The following PTPN14 variants were observed in gnomAD, a reference collection of about 807,000 sequenced individuals.
PTPN14 encodes the protein tyrosine-protein phosphatase non-receptor type 14.
A neutral mutation model predicts 126.8 loss-of-function variants in PTPN14; 53 were observed. That is an observed-to-expected ratio of 0.42 (90% CI 0.34 to 0.53). The LOEUF is 0.53. Ranked by LOEUF, PTPN14 falls within the 20% of genes least tolerant of loss-of-function variation. The pLI is 0.08. For synonymous variants in PTPN14, 630 were observed against 599.3 expected, an observed-to-expected ratio of 1.05 and a Z score of -0.75; for missense variants, 1,257 against 1,552.9, an observed-to-expected ratio of 0.81 and a Z score of 3.20.
intron 6 of PTPN14, among the ~76,000 whole-genome samples, 198 bp downstream of exon 6, chr1:214,402,685 G>GGAA (rs1659058852): frequency 6.8e-6 from 1 of 147,158 alleles, no homozygotes. Flanking sequence ...AAGGGAGGGA[G>GGAA]GGAAGGAAGG....
chr1:214,522,561 T>C (rs185350638), intron 1 of PTPN14, among the ~76,000 whole-genome samples: 1 of 152,232 alleles, frequency 6.6e-6, no homozygotes, highest in African/African-American at 2.4e-5. Context: ...CATCAGGTTC[T>C]GAAACAAATT....
chr1:214,391,182 G>T, intron 10 of PTPN14, 137 bp from the exon 11 acceptor site: 1 of 476,580 alleles, frequency 2.1e-6, no homozygotes, highest in South Asian at 8.1e-5. Context: ...TTATTTCTGG[G>T]TGGTAACACT....
At chr1:214,490,036 A>G (rs1453716801) in intron 1 of PTPN14, among the ~76,000 whole-genome samples, 1 of 152,224 alleles carries the variant, frequency 6.6e-6, no homozygotes, top group Non-Finnish European at 1.5e-5. Context: ...TATAGGCCAA[A>G]GCCAATCCTC....
chr1:214,533,394 C>A, intron 1 of PTPN14: 1 of 434,844 alleles, frequency 2.3e-6, no homozygotes, highest in Non-Finnish European at 4.3e-6. Flanking sequence ...GCAAACCATT[C>A]AAAAGACCAC....
intron 1 of PTPN14, among the ~76,000 whole-genome samples, chr1:214,469,517 T>G (rs2102658975): frequency 6.6e-6 from 1 of 152,334 alleles, no homozygotes; most frequent in Admixed American, 6.5e-5. Flanking sequence ...TCATATTCAT[T>G]TTATCACACA....
intron 3 of PTPN14, among the ~76,000 whole-genome samples, chr1:214,429,470 C>T (rs1398181272): frequency 6.6e-6 from 1 of 152,166 alleles, no homozygotes; most frequent in Non-Finnish European, 1.5e-5. Flanking sequence ...TTAATTTGAA[C>T]TCTGTAAAAA....
At chr1:214,531,367 A>C (rs900968500) in intron 1 of PTPN14, 1 of 152,118 alleles carries the variant, frequency 6.6e-6, no homozygotes, top group Non-Finnish European at 1.5e-5. Context: ...GTCCCAAAAT[A>C]AAGAGAATGG....
chr1:214,441,748 CTGT>C (rs1358909974), intron 3 of PTPN14, among the ~76,000 whole-genome samples: 1 of 152,212 alleles, frequency 6.6e-6, no homozygotes, highest in African/African-American at 2.4e-5. Context: ...CATATAGCTT[CTGT>C]TGTTTTTCCC....
intron 3 of PTPN14, among the ~76,000 whole-genome samples, chr1:214,434,687 A>G (rs944291169): frequency 3.2e-4 from 48 of 152,198 alleles, no homozygotes; most frequent in African/African-American, 1.0e-3. Context: ...TTTGAAAATT[A>G]CATGAAATTG....
At chr1:214,446,386 T>C (rs1660142388) in intron 3 of PTPN14, among the ~76,000 whole-genome samples, 1 of 152,204 alleles carries the variant, frequency 6.6e-6, no homozygotes, top group African/African-American at 2.4e-5. Flanking sequence ...AACACAATCA[T>C]AGTGTCTTGG....
intron 1 of PTPN14, among the ~76,000 whole-genome samples, chr1:214,490,975 AAAGGAAGGAAGGAAGGGAAGG>A (rs1558127303): frequency 6.6e-5 from 8 of 122,108 alleles, no homozygotes; most frequent in African/African-American, 2.4e-4. Context: ...GAAGGGAAGG[AAAGGAAGGAAGGAAGGGAAGG>A]AAAGGAAAGA....
chr1:214,352,212 T>C lies in PTPN14; in HGVS notation c.*5710A>G, dbSNP rs1026762274. On this transcript the variant is annotated 3_prime_UTR_variant, in exon 19 of 19. Transcript: ENST00000366956. ...AACAATCATTTTCCAGTCTATGAAA[T>C]TGATGGATGCCAGACACTCAATGCT... 6.6e-6 allele frequency: 1 copy of C among 152,208 alleles called. No homozygotes were observed. The highest frequency in any genetic ancestry group is 2.4e-5 in the African/African-American group (1 of 41,440). The allele number at this position is 152,208 out of a possible 1,614,324, so 9.4% of individuals were successfully genotyped here. A position where few individuals can be genotyped will look rare whatever the true frequency, so the allele number is the denominator to read the frequency against.
rs66656875 is a variant in PTPN14, at chr1:214,426,032, CAAAAAAAAA to C, written c.345-11315_345-11307del. 8.0e-3 allele frequency among the ~76,000 whole-genome samples: 271 copies of C among 33,894 alleles called. 1 individual carries two copies. In the South Asian group the frequency reaches 0.13, roughly 16 times the overall value. 22.2% of individuals were successfully genotyped at this position (33,894 alleles called of 152,430 possible). ...TTTCTACAATCTGGAGCATAAATCG[CAAAAAAAAA>C]AAAAAAAAAAAAAAAAAGGAAGGAA... On this transcript the variant is annotated intron_variant, in intron 3 of 18. Coordinates refer to ENST00000366956, the MANE Select transcript of PTPN14 (RefSeq NM_005401.5).
At chr1:214,428,507 A>G (rs987432250) in intron 3 of PTPN14, among the ~76,000 whole-genome samples, 2 of 152,226 alleles carry the variant, frequency 1.3e-5, no homozygotes, top group Admixed American at 6.5e-5. Context: ...TGATATAGTA[A>G]TGGATTCTCC....
intron 1 of PTPN14, among the ~76,000 whole-genome samples, chr1:214,487,331 G>A (rs545458542): frequency 3.2e-4 from 48 of 152,126 alleles, no homozygotes; most frequent in Non-Finnish European, 5.1e-4. Flanking sequence ...GTGCATCAAA[G>A]ACTATTACAT....
chr1:214,432,182 C>T (rs1174061935), intron 3 of PTPN14, among the ~76,000 whole-genome samples: 1 of 132,704 alleles, frequency 7.5e-6, no homozygotes, highest in Non-Finnish European at 1.7e-5. Flanking sequence ...AAGAACAAGA[C>T]CCTGTCTCAA....
intron 5 of PTPN14, among the ~76,000 whole-genome samples, chr1:214,405,530 CAA>C (rs1320962242): frequency 6.6e-6 from 1 of 150,734 alleles, no homozygotes; most frequent in African/African-American, 2.4e-5. Context: ...TATTGTCAAA[CAA>C]AAGTTTAATT....
At chr1:214,369,769 G>C in intron 16 of PTPN14, 78 bp from the exon 17 acceptor site, 1 of 1,319,584 alleles carries the variant, frequency 7.6e-7, no homozygotes, top group Non-Finnish European at 1.1e-6. Flanking sequence ...TATGAAGACA[G>C]AAGAAAATGC....
intron 2 of PTPN14, among the ~76,000 whole-genome samples, chr1:214,459,168 A>G (rs1458040361): frequency 8.2e-6 from 1 of 122,184 alleles, no homozygotes; most frequent in Non-Finnish European, 1.6e-5. Context: ...TTTTTTTGAG[A>G]CAGAGTCTCA....
Sources: allele counts gnomAD v4.1 joint callset (sites outside exome capture counted in the v4.1 genomes callset), GRCh38; gene constraint gnomAD v4.1.1; transcripts MANE v1.5; gene names NCBI Gene and HGNC (gene_info 2026-07-23, HGNC 2026-07-21).